ZEB1: variants seen among roughly 807,000 people sequenced by gnomAD.
The protein encoded by ZEB1 is zinc finger E-box binding homeobox 1, also known as zinc finger E-box-binding homeobox 1.
In ZEB1, 21 loss-of-function variants were observed where a neutral mutation model predicts 84.9. That is an observed-to-expected ratio of 0.25 (90% CI 0.18 to 0.36). ZEB1 has a LOEUF of 0.36. Ranked by LOEUF, ZEB1 falls within the 10% of genes least tolerant of loss-of-function variation. The probability of loss-of-function intolerance (pLI) is 1.00; values close to 1 mark genes in which losing one functional copy is unlikely to be tolerated. For missense variants in ZEB1, 1,104 were observed against 1,330.2 expected (o/e 0.83, Z 2.65); for synonymous variants, 420 against 471.1 (o/e 0.89, Z 1.41).
At chr10:31,362,830 C>T (rs866305300) in intron 1 of ZEB1, 32 of 973,024 alleles carry the variant, frequency 3.3e-5, no homozygotes, top group Non-Finnish European at 4.6e-5. Flanking sequence ...CCTGCCCTGC[C>T]GTGTCTTCTT....
upstream of ZEB1, chr10:31,319,037 A>T: frequency 1.6e-6 from 1 of 614,328 alleles, no homozygotes; most frequent in Non-Finnish European, 3.0e-6. Flanking sequence ...GGTTGCCGCA[A>T]ACCGCCCGGT....
At chr10:31,383,994 G>C (rs370924025) in intron 1 of ZEB1, among the ~76,000 whole-genome samples, 122 of 97,254 alleles carry the variant, frequency 1.3e-3, no homozygotes, top group African/African-American at 4.9e-3. Context: ...TTTTTTTTGA[G>C]ATAGAGTCTC....
chr10:31,413,762 G>C (rs1225290963), intron 1 of ZEB1, among the ~76,000 whole-genome samples: 1 of 152,146 alleles, frequency 6.6e-6, no homozygotes, highest in African/African-American at 2.4e-5. Flanking sequence ...GATACAGTCT[G>C]TATCTTTAAG....
chr10:31,514,452 T>TA, intron 5 of ZEB1, 151 bp from the exon 6 acceptor site: 1 of 643,360 alleles, frequency 1.6e-6, no homozygotes, highest in Non-Finnish European at 2.7e-6. Context: ...TTTCAAGAGT[T>TA]AGATTTTTGT....
At chr10:31,488,717 G>GT (rs1271948974) in intron 2 of ZEB1, among the ~76,000 whole-genome samples, 2 of 150,718 alleles carry the variant, frequency 1.3e-5, no homozygotes, top group South Asian at 4.2e-4. Flanking sequence ...AGATTTTGAT[G>GT]TTTTTTATTT....
intron 2 of ZEB1, among the ~76,000 whole-genome samples, chr10:31,467,627 G>A (rs1046549747): frequency 2.0e-5 from 3 of 152,146 alleles, no homozygotes; most frequent in African/African-American, 7.2e-5. Context: ...ATCCTAAGGA[G>A]CCAGAGGACA....
In ZEB1 at chr10:31,520,862, A is replaced by G. The variant is rs144430294; in HGVS notation, c.1530A>G (p.Pro510=). 157 of 1,614,160 alleles carry G rather than the reference A, an allele frequency of 9.7e-5. No individual in the cohort carries two copies. Among genetic ancestry groups the G allele is most frequent in the Non-Finnish European group, 1.3e-4 (154 of 1,180,018 alleles). Residue 510 remains proline, a synonymous_variant, in exon 7 of 9, where the codon CCA becomes CCG. Transcript: ENST00000424869. This position sits in a 1 kb window ranked among gnomAD's most constrained non-coding sequence, Gnocchi z 5.1. ...ACAGTTGTAAAAGTGAAAAGTTACCAGAAGATCTTACTGTTAAGTCTGAGA... is the reference window on the plus strand; with the variant it reads ...ACAGTTGTAAAAGTGAAAAGTTACCGGAAGATCTTACTGTTAAGTCTGAGA... ...ATNSCKSEKL[P]EDLTVKSEKD...
At chr10:31,519,413 G>A (rs900163803) in intron 6 of ZEB1, among the ~76,000 whole-genome samples, 1 of 152,114 alleles carries the variant, frequency 6.6e-6, no homozygotes, top group African/African-American at 2.4e-5. Context: ...TTGACAGTGC[G>A]TGGCTTTTCC....
chr10:31,412,173 A>G (rs1345051473), intron 1 of ZEB1, among the ~76,000 whole-genome samples: 1 of 152,232 alleles, frequency 6.6e-6, no homozygotes, highest in African/African-American at 2.4e-5. Context: ...ATAGAGAACT[A>G]ACTTTTATAA....
intron 1 of ZEB1, among the ~76,000 whole-genome samples, chr10:31,350,906 T>G (rs899092974): frequency 5.3e-5 from 8 of 152,196 alleles, no homozygotes; most frequent in African/African-American, 1.4e-4. Context: ...AGTTCACTAT[T>G]TAGAGTTCTC....
intron 1 of ZEB1, among the ~76,000 whole-genome samples, chr10:31,397,751 A>G (rs2051071528): frequency 6.6e-6 from 1 of 152,218 alleles, no homozygotes; most frequent in African/African-American, 2.4e-5. Flanking sequence ...GATTTTAAAA[A>G]GGAGAATATG....
chr10:31,363,629 C>G (rs1181639190), intron 1 of ZEB1: 1 of 1,497,266 alleles, frequency 6.7e-7, no homozygotes, highest in Non-Finnish European at 9.0e-7. Flanking sequence ...GCTGGGATCA[C>G]CTGATCATCT....
chr10:31,493,246 C>T (rs1470034452), intron 2 of ZEB1, among the ~76,000 whole-genome samples: 3 of 151,908 alleles, frequency 2.0e-5, no homozygotes, highest in African/African-American at 7.2e-5. Flanking sequence ...TTTTCATTCT[C>T]TATAAATTCT....
At chr10:31,381,521 T>A (rs1022788011) in intron 1 of ZEB1, among the ~76,000 whole-genome samples, 6 of 152,182 alleles carry the variant, frequency 3.9e-5, no homozygotes, top group South Asian at 2.1e-4. Context: ...TGACTAAAAG[T>A]AAGATTTTTG....
chr10:31,456,131 A>G (rs2061188289), intron 1 of ZEB1, among the ~76,000 whole-genome samples: 1 of 152,200 alleles, frequency 6.6e-6, no homozygotes. Flanking sequence ...GCCAGAAACC[A>G]TCATTCTCAG....
Position 31,521,209 on chromosome 10 carries a change from T to G in ZEB1, c.1877T>G (p.Val626Gly). The change falls in exon 7 of 9, where the codon GTA (valine) becomes GGA (glycine). Residue 626 changes from valine (V) to glycine (G), a missense_variant. Physicochemically the swap from Val to Gly is moderately radical, Grantham distance 109. This residue lies in a region of ZEB1 where 531 missense variants were observed against 575.2 expected (regional missense o/e 0.92). Coordinates refer to ENST00000424869, the MANE Select transcript of ZEB1 (RefSeq NM_001174096.2). ...ADSVNLPLDV[V>G]KKWFEKMQAG... ...TCAGTAAACCTACCACTGGATGTAG[T>G]AAAAAAGTGGTTTGAAAAGATGCAA... is the stretch of plus-strand genomic sequence containing the variant. The G allele has an allele frequency of 6.2e-7, 1 of 1,614,010 alleles. No individual in the cohort carries two copies. The highest frequency in any genetic ancestry group is 1.1e-5 in the South Asian group (1 of 91,080).
At chr10:31,458,940 C>T (rs935976368) in intron 1 of ZEB1, among the ~76,000 whole-genome samples, 2 of 152,020 alleles carry the variant, frequency 1.3e-5, no homozygotes, top group Non-Finnish European at 1.5e-5. Context: ...ATAAATTCAT[C>T]GTAAGTTGAA....
At chr10:31,388,726 C>T (rs952530672) in intron 1 of ZEB1, among the ~76,000 whole-genome samples, 7 of 151,806 alleles carry the variant, frequency 4.6e-5, no homozygotes, top group African/African-American at 1.5e-4. Flanking sequence ...TATATACGTA[C>T]AGTTTTTTTT....
intron 1 of ZEB1, chr10:31,320,108 G>C (rs2033465631): frequency 6.6e-6 from 1 of 151,684 alleles, no homozygotes; most frequent in Non-Finnish European, 1.5e-5. Context: ...CCCGCTGCCC[G>C]GCCCAGAGCC....
Sources: allele counts gnomAD v4.1 joint callset (sites outside exome capture counted in the v4.1 genomes callset), GRCh38; gene constraint gnomAD v4.1.1; regional missense constraint gnomAD v4.1.1; non-coding constraint Gnocchi (gnomAD v3.1); transcripts MANE v1.5; gene names NCBI Gene and HGNC (gene_info 2026-07-23, HGNC 2026-07-21).